IQGAP1: variants seen among roughly 807,000 people sequenced by gnomAD.
IQGAP1 encodes the protein ras GTPase-activating-like protein IQGAP1.
A neutral mutation model predicts 215.6 loss-of-function variants in IQGAP1; 66 were observed. The observed-to-expected ratio is 0.31, with a 90% confidence interval of 0.25 to 0.38. The LOEUF (loss-of-function observed/expected upper bound fraction) is 0.38, where lower values mean the gene tolerates loss of function less well. Among genes scored for constraint, IQGAP1 ranks in the 10% least tolerant of loss-of-function variants. The pLI, the probability that IQGAP1 is intolerant of heterozygous loss-of-function variation, is 1.00. For synonymous variants in IQGAP1, 772 were observed against 728.7 expected (o/e 1.06, Z -0.96); for missense variants, 1,712 against 1,997.1 (o/e 0.86, Z 2.72).
intron 30 of IQGAP1, among the ~76,000 whole-genome samples, chr15:90,484,579 G>T (rs1203876097): frequency 6.6e-6 from 1 of 152,036 alleles, no homozygotes; most frequent in Non-Finnish European, 1.5e-5. Context: ...CGCGATCTCG[G>T]CTCACTGCAA....
chr15:90,442,251 G>A (rs1007310949), intron 8 of IQGAP1, among the ~76,000 whole-genome samples: 2 of 152,130 alleles, frequency 1.3e-5, no homozygotes, highest in Non-Finnish European at 2.9e-5. Flanking sequence ...GAGGTCAGGA[G>A]TTTGAGACCA....
intron 2 of IQGAP1, among the ~76,000 whole-genome samples, chr15:90,414,647 G>A (rs1965018609): frequency 6.6e-6 from 1 of 151,980 alleles, no homozygotes; most frequent in Non-Finnish European, 1.5e-5. Context: ...CACCTCTTAA[G>A]TGTTGGTGTT....
intron 2 of IQGAP1, among the ~76,000 whole-genome samples, chr15:90,416,465 T>A (rs895021442): frequency 2.6e-5 from 4 of 152,224 alleles, no homozygotes; most frequent in African/African-American, 9.6e-5. Flanking sequence ...TTCTAGATCC[T>A]TGAGGAACTG....
intron 15 of IQGAP1, among the ~76,000 whole-genome samples, chr15:90,465,785 G>A (rs772013049): frequency 1.3e-5 from 2 of 152,008 alleles, no homozygotes; most frequent in Admixed American, 1.3e-4. Flanking sequence ...CTGCCTCAGC[G>A]CCCCCAAAGT....
chr15:90,449,655 T>C lies in IQGAP1; in HGVS notation c.1162+12T>C, dbSNP rs373962456. 23 of 1,602,208 alleles carry C rather than the reference T, an allele frequency of 1.4e-5. No individual in the cohort carries two copies. Among genetic ancestry groups the C allele is most frequent in the East Asian group, 6.7e-5 (3 of 44,584 alleles). On this transcript the variant is annotated intron_variant, in intron 11 of 37. Transcript: ENST00000268182. Reference sequence around the variant, plus strand: ...GCAATATCAGAGAAGTAAGAGTCCATTGAAATTGTATGGGAGGAAAGTTGT... The same window carrying C: ...GCAATATCAGAGAAGTAAGAGTCCACTGAAATTGTATGGGAGGAAAGTTGT...
At chr15:90,495,570 G>A (rs984803590) in intron 36 of IQGAP1, among the ~76,000 whole-genome samples, 2 of 150,926 alleles carry the variant, frequency 1.3e-5, no homozygotes, top group African/African-American at 4.9e-5. Flanking sequence ...GATTATACAC[G>A]ACTCACCCAC....
intron 2 of IQGAP1, among the ~76,000 whole-genome samples, chr15:90,425,323 AGAAAAG>A (rs1965205883): frequency 1.3e-5 from 2 of 152,152 alleles, no homozygotes; most frequent in Admixed American, 1.3e-4. Context: ...AGAAAAAAGA[AGAAAAG>A]GAAAAAAAAA....
chr15:90,399,041 C>T (rs2589946), intron 2 of IQGAP1, among the ~76,000 whole-genome samples: 53,008 of 145,550 alleles, frequency 0.36, 10,186 homozygotes, highest in East Asian at 0.67. Flanking sequence ...TATAGGAAAT[C>T]TTCCTTGAAA....
At chr15:90,450,351 T>C (rs1965585237) in intron 11 of IQGAP1, among the ~76,000 whole-genome samples, 1 of 145,048 alleles carries the variant, frequency 6.9e-6, no homozygotes, top group Non-Finnish European at 1.5e-5. Context: ...TTTTTTTTTT[T>C]TTTTTTTTTT....
intron 37 of IQGAP1, among the ~76,000 whole-genome samples, chr15:90,498,163 A>G (rs1966296958): frequency 6.6e-6 from 1 of 151,546 alleles, no homozygotes; most frequent in East Asian, 2.0e-4. Context: ...TAGCCCTTGC[A>G]GACATCCTCT....
At chr15:90,472,748 G>T in intron 18 of IQGAP1, 92 bp from the exon 19 acceptor site, 2 of 1,163,780 alleles carry the variant, frequency 1.7e-6, no homozygotes, top group Non-Finnish European at 1.2e-6. Flanking sequence ...GAAGCAGGAG[G>T]TGTTAGCTTG....
chr15:90,477,839 T>TC lies in IQGAP1; in HGVS notation c.3279_3280insC (p.Ile1094HisfsTer7). On this transcript the variant is annotated frameshift_variant, in exon 26 of 38. Transcript: ENST00000268182. LOFTEE classifies it high-confidence loss of function. ...TCAACATCAAAACTGACCCTGTGGA[T>TC]ATTTACAAATCTTGGGTTAATCAGA... The TC allele has an allele frequency of 6.2e-7, 1 of 1,614,110 alleles. No homozygotes were observed. Among genetic ancestry groups the TC allele is most frequent in the Non-Finnish European group, 8.5e-7 (1 of 1,179,976 alleles).
intron 6 of IQGAP1, among the ~76,000 whole-genome samples, chr15:90,439,604 A>C (rs890843985): frequency 1.3e-5 from 2 of 152,216 alleles, no homozygotes; most frequent in Admixed American, 1.3e-4. Flanking sequence ...TAATAATGTG[A>C]ACATGATTAG....
intron 19 of IQGAP1, among the ~76,000 whole-genome samples, chr15:90,473,329 A>G (rs565888156): frequency 6.6e-6 from 1 of 152,358 alleles, no homozygotes; most frequent in South Asian, 2.1e-4. Flanking sequence ...CCTGGAAAGA[A>G]TTCTGAGTTA....
intron 14 of IQGAP1, among the ~76,000 whole-genome samples, chr15:90,455,028 T>TA (rs1405737389): frequency 1.3e-5 from 2 of 152,158 alleles, no homozygotes; most frequent in Admixed American, 6.5e-5. Flanking sequence ...ATGCTAGACT[T>TA]ACGATTAAAA....
Position 90,433,838 on chromosome 15 carries a change from A to G in IQGAP1, c.467+43A>G, listed in dbSNP as rs576695096. ...GCAAAATAAGGAAATTATGAATAACATCTGAATTGAGTGTGTAGTTTTTTA... is the reference window on the plus strand; with the variant it reads ...GCAAAATAAGGAAATTATGAATAACGTCTGAATTGAGTGTGTAGTTTTTTA... On this transcript the variant is annotated intron_variant, in intron 5 of 37. Transcript: ENST00000268182. 52 of 1,163,482 alleles carry G rather than the reference A, an allele frequency of 4.5e-5. No homozygotes were observed. In the South Asian group the frequency reaches 5.9e-4, roughly 13 times the overall value. 72.1% of individuals were successfully genotyped at this position (1,163,482 alleles called of 1,614,324 possible). A position where few individuals can be genotyped will look rare whatever the true frequency, so the allele number is the denominator to read the frequency against.
At chr15:90,488,209 A>G (rs937821861) in intron 33 of IQGAP1, among the ~76,000 whole-genome samples, 1 of 151,264 alleles carries the variant, frequency 6.6e-6, no homozygotes, top group Non-Finnish European at 1.5e-5. Flanking sequence ...CGACAGAGCG[A>G]GACTCCGTCT....
rs1273981367 is a variant in IQGAP1 at position 90,448,709 on chromosome 15, C to T, written c.1050C>T (p.Leu350=). The T allele has an allele frequency of 1.9e-6, 3 of 1,604,184 alleles. No homozygotes were observed. The highest frequency in any genetic ancestry group is 2.6e-6 in the Non-Finnish European group (3 of 1,176,104). ...ATAGCGACTGGTACTTGAAGCAGCT[C>T]CTGAGTGATAAACAGCAGAAGAGAC... is the stretch of plus-strand genomic sequence containing the variant. ...QQNSDWYLKQ[L]LSDKQQKRQS... Residue 350 remains leucine (L), a synonymous_variant, in exon 10 of 38, where the codon CTC becomes CTT. Transcript: ENST00000268182.
At chr15:90,488,541 C>T (rs1966161639) in intron 33 of IQGAP1, among the ~76,000 whole-genome samples, 1 of 152,028 alleles carries the variant, frequency 6.6e-6, no homozygotes, top group South Asian at 2.1e-4. Context: ...AATGTGGCTC[C>T]TAAACTCAGT....
Sources: allele counts gnomAD v4.1 joint callset (sites outside exome capture counted in the v4.1 genomes callset), GRCh38; gene constraint gnomAD v4.1.1; transcripts MANE v1.5; gene names NCBI Gene and HGNC (gene_info 2026-07-23, HGNC 2026-07-21).